SPTB: variants seen among roughly 807,000 people sequenced by gnomAD.
The protein encoded by SPTB is spectrin beta, erythrocytic, also known as spectrin beta chain, erythrocytic.
SPTB carries 45 observed loss-of-function variants against 256.2 expected under a neutral mutation model. The observed-to-expected ratio is 0.18, with a 90% CI of 0.14 to 0.23. The LOEUF is 0.23. SPTB is among the 10% of genes least tolerant of loss of function. The pLI is 1.00. For missense variants in SPTB, 2,715 were observed against 3,040.4 expected (o/e 0.89, Z 2.52); for synonymous variants, 1,231 against 1,243.1 (o/e 0.99, Z 0.21).
At chr14:64,797,537 T>C (rs1379309049) in intron 10 of SPTB, among the ~76,000 whole-genome samples, 192 bp downstream of exon 10, 2 of 129,554 alleles carry the variant, frequency 1.5e-5, no homozygotes, top group South Asian at 2.6e-4. Flanking sequence ...AACAGGGGGA[T>C]TGAAGGAGGG....
At chr14:64,879,095 G>A (rs2884307) in intron 1 of SPTB, among the ~76,000 whole-genome samples, 118,856 of 152,170 alleles carry the variant, frequency 0.78, 47,539 homozygotes, top group Non-Finnish European at 0.88. Flanking sequence ...AAACTGGAGA[G>A]GAGGGTGAGG....
chr14:64,819,317 T>C (rs1273032235), intron 2 of SPTB, among the ~76,000 whole-genome samples: 2 of 152,114 alleles, frequency 1.3e-5, no homozygotes, highest in African/African-American at 4.8e-5. Context: ...GTATTTCCTT[T>C]GGAGTTGAGA....
At chr14:64,766,410 C>G in intron 32 of SPTB, 1 of 1,372,642 alleles carries the variant, frequency 7.3e-7, no homozygotes, top group African/African-American at 1.5e-5. Flanking sequence ...AGTGTTTCCC[C>G]TCATGTAAAT....
intron 1 of SPTB, among the ~76,000 whole-genome samples, chr14:64,872,127 C>A (rs187959281): frequency 6.6e-6 from 1 of 152,284 alleles, no homozygotes; most frequent in Non-Finnish European, 1.5e-5. Context: ...TCCAAGTCAA[C>A]ACCTCGACAA....
intron 2 of SPTB, among the ~76,000 whole-genome samples, chr14:64,805,787 TGCC>T (rs2082971703): frequency 6.6e-6 from 1 of 152,244 alleles, no homozygotes; most frequent in African/African-American, 2.4e-5. Context: ...ACAAATTTCC[TGCC>T]CTCAAGGAGT....
At position 64,806,607 on chromosome 14, in the gene SPTB, C is replaced by T. The variant is rs912075929; in HGVS notation, c.149-1517G>A. 2.0e-5 allele frequency among the ~76,000 whole-genome samples: 3 copies of T among 152,222 alleles called. No individual in the cohort carries two copies. The highest frequency in any genetic ancestry group is 7.2e-5 in the African/African-American group (3 of 41,460). The stretch of plus-strand genomic sequence containing the variant: ...GAGGCTTGCTGCATCAGATGCCTTC[C>T]GGCTTCATGGCTATTTTGGTATTAG... On this transcript the variant is annotated intron_variant, in intron 2 of 35. Transcript: ENST00000644917. The surrounding 1 kb of genome is among the most constrained non-coding windows in gnomAD (Gnocchi z 4.1).
rs141039628 is a variant in SPTB at position 64,868,237 on chromosome 14, G to T, written c.-52+11555C>A. Among the ~76,000 whole-genome samples the T allele has an allele frequency of 3.9e-5, 6 of 152,308 alleles. No individual in the cohort carries two copies. In the East Asian group the frequency reaches 1.2e-3, roughly 29 times the overall value. ...CAATTATTATTCAAACATAAGAATA[G>T]TGACAGTGGAAATTAAAAGAAAGAA... On this transcript the variant is annotated intron_variant, in intron 1 of 35. Transcript: ENST00000644917.
chr14:64,796,406 T>A lies in SPTB; in HGVS notation c.1341+151A>T. The A allele has an allele frequency of 2.0e-6, 2 of 1,021,242 alleles. No individual in the cohort carries two copies. The highest frequency in any genetic ancestry group is 3.0e-6 in the Non-Finnish European group (2 of 671,226). The allele number at this position is 1,021,242 out of a possible 1,614,324, so 63.3% of individuals were successfully genotyped here. A position where few individuals can be genotyped will look rare whatever the true frequency, so the allele number is the denominator to read the frequency against. On this transcript the variant is annotated intron_variant, in intron 11 of 35. Coordinates refer to ENST00000644917, the MANE Select transcript of SPTB (RefSeq NM_001355436.2). This position sits in a 1 kb window ranked among gnomAD's most constrained non-coding sequence, Gnocchi z 4.1. ...AAATCCTGGAGAGCTCCTCCCCAGA[T>A]GCAAATCTTGATCCACTGGATCACG...
chr14:64,872,366 G>A (rs1023668404), intron 1 of SPTB, among the ~76,000 whole-genome samples: 1 of 152,172 alleles, frequency 6.6e-6, no homozygotes, highest in African/African-American at 2.4e-5. Context: ...AACCACCGCA[G>A]TAGCTTTCAT....
rs2082408146 is a variant in SPTB, at chr14:64,778,726, A to G, written c.4563+431T>C. 6.6e-6 allele frequency among the ~76,000 whole-genome samples: 1 copy of G among 152,214 alleles called. No homozygotes were observed. Among genetic ancestry groups the G allele is most frequent in the Middle Eastern group, 3.2e-3 (1 of 316 alleles). ...AGAGAAATGGGGCCTACTTACCCCA[A>G]GGACACCACACATGCCAAGCTCAGC... On this transcript the variant is annotated intron_variant, in intron 22 of 35. Coordinates refer to ENST00000644917, the MANE Select transcript of SPTB (RefSeq NM_001355436.2). The surrounding 1 kb of genome is among the most constrained non-coding windows in gnomAD (Gnocchi z 5.2).
At chr14:64,784,891 A>G (rs994045103) in intron 18 of SPTB, among the ~76,000 whole-genome samples, 3 of 152,270 alleles carry the variant, frequency 2.0e-5, no homozygotes, top group African/African-American at 7.2e-5. Flanking sequence ...CATTCCATGT[A>G]GAAAGTACTG....
rs2082759890 is a variant in SPTB at position 64,795,884 on chromosome 14, G to A, written c.1342-245C>T. ...TCCCCGTGCCACCCGCGTGGGAGATGCAGCCTGCGTGTTACTAATGGAGCC... is the reference window on the plus strand; with the variant it reads ...TCCCCGTGCCACCCGCGTGGGAGATACAGCCTGCGTGTTACTAATGGAGCC... On this transcript the variant is annotated intron_variant, in intron 11 of 35. Coordinates refer to ENST00000644917, the MANE Select transcript of SPTB (RefSeq NM_001355436.2). The surrounding 1 kb of genome is among the most constrained non-coding windows in gnomAD (Gnocchi z 6.5). 6.6e-6 allele frequency among the ~76,000 whole-genome samples: 1 copy of A among 152,198 alleles called. No homozygotes were observed.
intron 2 of SPTB, among the ~76,000 whole-genome samples, chr14:64,805,510 T>G (rs2082966388): frequency 6.6e-6 from 1 of 152,160 alleles, no homozygotes; most frequent in African/African-American, 2.4e-5. Flanking sequence ...CACTTAACAC[T>G]AATTCATCCT....
Position 64,764,528 on chromosome 14 carries a change from C to T in SPTB, c.6345+2198G>A, listed in dbSNP as rs2082138104. Among the ~76,000 whole-genome samples, 1 of 152,232 alleles carries T rather than the reference C, an allele frequency of 6.6e-6. No individual in the cohort carries two copies. The highest frequency in any genetic ancestry group is 2.1e-4 in the South Asian group (1 of 4,836). The stretch of plus-strand genomic sequence containing the variant: ...GTCTCAAATGTGGGCTCACTTCTTC[C>T]CCCAAAGAGATCATCAGGTCCAAAC... On this transcript the variant is annotated intron_variant, in intron 32 of 35. Transcript: ENST00000644917. This position sits in a 1 kb window ranked among gnomAD's most constrained non-coding sequence, Gnocchi z 4.2.
intron 14 of SPTB, 79 bp from the exon 15 acceptor site, chr14:64,791,935 A>C (rs1015302520): frequency 1.3e-6 from 2 of 1,582,576 alleles, no homozygotes; most frequent in African/African-American, 2.7e-5. Flanking sequence ...CCCAGTCTCC[A>C]GAACATGTAG....
rs150865509 is a variant in SPTB, at chr14:64,838,649, C to T, written c.-51-15504G>A. Among the ~76,000 whole-genome samples, 15 of 152,052 alleles carry T rather than the reference C, an allele frequency of 9.9e-5. No homozygotes were observed. The East Asian group carries it at 2.3e-3, about 23-fold the overall frequency. ...ACATGAAAGTGTGCTCAAATTCATT[C>T]GTCATTAGGAAAATGTAAATTAAAA... is the stretch of plus-strand genomic sequence containing the variant. On this transcript the variant is annotated intron_variant, in intron 1 of 35. Coordinates refer to ENST00000644917, the MANE Select transcript of SPTB (RefSeq NM_001355436.2).
chr14:64,815,094 C>T (rs2083165584), intron 2 of SPTB, among the ~76,000 whole-genome samples: 1 of 152,030 alleles, frequency 6.6e-6, no homozygotes, highest in Non-Finnish European at 1.5e-5. Context: ...AAGGCAGCTG[C>T]AGGACAGTCT....
chr14:64,791,647 G>A (rs1167109789), intron 15 of SPTB, 72 bp downstream of exon 15: 3 of 1,540,990 alleles, frequency 1.9e-6, no homozygotes, highest in African/African-American at 2.8e-5. Flanking sequence ...ACTAAATTTT[G>A]GGCCCGGCCC....
intron 33 of SPTB, among the ~76,000 whole-genome samples, chr14:64,751,420 C>T (rs116307498): frequency 0.045 from 6,803 of 151,948 alleles, 200 homozygotes; most frequent in African/African-American, 0.075. Flanking sequence ...ACGCCCGGCC[C>T]CTATCCTCAA....
Sources: gnomAD v4.1 joint callset for allele counts (sites outside exome capture counted in the v4.1 genomes callset) on GRCh38, gnomAD v4.1.1 for gene constraint, Gnocchi (gnomAD v3.1) non-coding constraint, MANE v1.5 for transcripts, NCBI Gene and HGNC (gene_info 2026-07-23, HGNC 2026-07-21) for gene names.